Variants in CDH13 observed in about 807,000 individuals in gnomAD.
CDH13 encodes cadherin-13.
Under a neutral mutation model 63.8 loss-of-function variants are expected in CDH13, and 24 were observed. That is an observed-to-expected ratio of 0.38 (90% CI 0.27 to 0.53). The LOEUF (loss-of-function observed/expected upper bound fraction) is 0.53. CDH13 is among the 20% of genes least tolerant of loss of function. The pLI is 0.85. For missense variants in CDH13, 1,049 were observed against 903.1 expected (o/e 1.16, Z -2.07); for synonymous variants, 503 against 355.3 (o/e 1.42, Z -4.67).
intron 6 of CDH13, among the ~76,000 whole-genome samples, chr16:83,397,090 C>T (rs1225761669): frequency 6.6e-6 from 1 of 152,098 alleles, no homozygotes; most frequent in African/African-American, 2.4e-5. Flanking sequence ...CCTGATCTCA[C>T]CGCCGCCCCC....
At chr16:83,209,839 G>T (rs989588046) in intron 4 of CDH13, among the ~76,000 whole-genome samples, 3 of 152,166 alleles carry the variant, frequency 2.0e-5, no homozygotes, top group Non-Finnish European at 2.9e-5. Context: ...GTCAGGGGAA[G>T]GTTCAGTGGG....
At chr16:83,342,478 G>T (rs1441007044) in intron 5 of CDH13, among the ~76,000 whole-genome samples, 1 of 152,120 alleles carries the variant, frequency 6.6e-6, no homozygotes, top group Non-Finnish European at 1.5e-5. Flanking sequence ...CATTCCAAAG[G>T]TCTTGACTTG....
intron 6 of CDH13, among the ~76,000 whole-genome samples, chr16:83,359,776 G>A (rs1337164120): frequency 6.6e-6 from 1 of 152,092 alleles, no homozygotes; most frequent in Non-Finnish European, 1.5e-5. Context: ...CTCTTTCTCA[G>A]TTTTAATGAG....
At chr16:82,942,564 T>C (rs1443748513) in intron 2 of CDH13, among the ~76,000 whole-genome samples, 1 of 152,204 alleles carries the variant, frequency 6.6e-6, no homozygotes, top group Non-Finnish European at 1.5e-5. Flanking sequence ...ACTTTGTGCG[T>C]CTGCATTCTA....
chr16:83,634,133 GTA>G (rs61347153), intron 8 of CDH13, among the ~76,000 whole-genome samples: 5,916 of 45,078 alleles, frequency 0.13, 151 homozygotes, highest in South Asian at 0.19. Flanking sequence ...GTGTGTGTGT[GTA>G]TGTGTGTGTG....
At chr16:83,097,163 T>C (rs982467212) in intron 3 of CDH13, among the ~76,000 whole-genome samples, 1 of 152,216 alleles carries the variant, frequency 6.6e-6, no homozygotes, top group Admixed American at 6.5e-5. Flanking sequence ...CGGTTGCCTT[T>C]GTTTTTATTA....
rs1227434281 is a variant in CDH13, at chr16:83,545,561, TCCATTACCCTTG to T, written c.961-56890_961-56879del. On this transcript the variant is annotated intron_variant, in intron 7 of 13. Transcript: ENST00000567109. ...GTTCACAACCTGCCCCAGCCTCCAG[TCCATTACCCTTG>T]CCTATTTTGTTGCAGTGATGGAATT... Among the ~76,000 whole-genome samples, 6 of 152,264 alleles carry T rather than the reference TCCATTACCCTTG, an allele frequency of 3.9e-5. No individual in the cohort carries two copies. In the East Asian group the frequency reaches 1.2e-3, roughly 29 times the overall value.
chr16:83,136,125 C>G (rs6565128), intron 4 of CDH13, among the ~76,000 whole-genome samples: 39,356 of 150,484 alleles, frequency 0.26, 5,411 homozygotes, highest in South Asian at 0.37. Context: ...CACTAAAGAA[C>G]TTATTCATGT....
chr16:83,519,066 A>T (rs1356453435), intron 7 of CDH13, among the ~76,000 whole-genome samples: 1 of 152,178 alleles, frequency 6.6e-6, no homozygotes, highest in Non-Finnish European at 1.5e-5. Context: ...AAACTTTACC[A>T]TTGTTCTTTG....
chr16:83,508,793 A>T (rs1459910815), intron 7 of CDH13, among the ~76,000 whole-genome samples: 1 of 152,194 alleles, frequency 6.6e-6, no homozygotes, highest in African/African-American at 2.4e-5. Context: ...ATTTGCACTC[A>T]AATAGGCAGA....
intron 2 of CDH13, among the ~76,000 whole-genome samples, chr16:82,940,042 C>G (rs1403062658): frequency 2.0e-5 from 3 of 152,102 alleles, no homozygotes; most frequent in Non-Finnish European, 4.4e-5. Context: ...ATAAAACCAT[C>G]AGATTTCATG....
intron 2 of CDH13, among the ~76,000 whole-genome samples, chr16:83,014,071 GA>G (rs1914431595): frequency 6.6e-6 from 1 of 151,110 alleles, no homozygotes; most frequent in Non-Finnish European, 1.5e-5. Flanking sequence ...GTCTGATAAG[GA>G]AAAAAGCAAA....
chr16:83,493,562 C>G (rs1207394389), intron 7 of CDH13, among the ~76,000 whole-genome samples: 1 of 152,122 alleles, frequency 6.6e-6, no homozygotes, highest in Non-Finnish European at 1.5e-5. Context: ...GAAGGAAGGG[C>G]ATCGTGGGGA....
At chr16:83,446,494 C>G (rs965974639) in intron 6 of CDH13, among the ~76,000 whole-genome samples, 11 of 151,994 alleles carry the variant, frequency 7.2e-5, no homozygotes, top group Admixed American at 6.6e-4. Flanking sequence ...TAAATTATTC[C>G]CAGCCGCAGA....
Position 82,627,579 on chromosome 16 carries a change from G to C in CDH13, c.45+442G>C, listed in dbSNP as rs558892230. 4.5e-4 allele frequency among the ~76,000 whole-genome samples: 69 copies of C among 152,262 alleles called. 1 individual carries two copies. Among genetic ancestry groups the C allele is most frequent in the African/African-American group, 1.7e-3 (69 of 41,576 alleles). ...CGCCCAGCGGCCGAAGCGCTGCTCG[G>C]GTCCGGATTGCGGGATGCGGGGCTG... is the stretch of plus-strand genomic sequence containing the variant. On this transcript the variant is annotated intron_variant, in intron 1 of 13. Coordinates refer to ENST00000567109, the MANE Select transcript of CDH13 (RefSeq NM_001257.5).
chr16:82,676,613 G>A (rs1913939648), intron 1 of CDH13, among the ~76,000 whole-genome samples: 1 of 148,854 alleles, frequency 6.7e-6, no homozygotes, highest in Non-Finnish European at 1.5e-5. Context: ...GAAAGCTTCA[G>A]TATGATGCAT....
chr16:83,478,292 C>T (rs1460327922), intron 6 of CDH13, among the ~76,000 whole-genome samples: 2 of 152,192 alleles, frequency 1.3e-5, no homozygotes, highest in Non-Finnish European at 2.9e-5. Flanking sequence ...CCAACCCCAC[C>T]TCTCCCGGTT....
intron 10 of CDH13, among the ~76,000 whole-genome samples, chr16:83,715,097 A>G (rs151326061): frequency 2.6e-5 from 4 of 152,312 alleles, no homozygotes; most frequent in East Asian, 3.9e-4. Flanking sequence ...TCGTTCATGC[A>G]TGCCTTTGCT....
At chr16:83,307,990 T>A (rs1247433275) in intron 5 of CDH13, among the ~76,000 whole-genome samples, 2 of 152,200 alleles carry the variant, frequency 1.3e-5, no homozygotes, top group Non-Finnish European at 2.9e-5. Context: ...CTTCATAATT[T>A]GCATTTTTAA....
Sources: allele counts gnomAD v4.1 joint callset (sites outside exome capture counted in the v4.1 genomes callset), GRCh38; gene constraint gnomAD v4.1.1; transcripts MANE v1.5; gene names NCBI Gene and HGNC (gene_info 2026-07-23, HGNC 2026-07-21).